MGAT4C: variants seen among roughly 807,000 people sequenced by gnomAD.
MGAT4C encodes alpha-1,3-mannosyl-glycoprotein 4-beta-N-acetylglucosaminyltransferase C.
MGAT4C carries 19 observed loss-of-function variants against 40.1 expected under a neutral mutation model. The ratio of observed to expected loss-of-function variants is 0.47; its 90% confidence interval spans 0.33 to 0.70. The LOEUF is 0.70. MGAT4C is among the 30% of genes least tolerant of loss of function. The probability of loss-of-function intolerance (pLI) is 0.02; values close to 1 mark genes in which losing one functional copy is unlikely to be tolerated. For missense variants in MGAT4C, 491 were observed against 563.2 expected (o/e 0.87, Z 1.30); for synonymous variants, 181 against 187.1 (o/e 0.97, Z 0.27).
chr12:86,187,597 C>T (rs1888906937), intron 1 of MGAT4C, among the ~76,000 whole-genome samples: 1 of 151,690 alleles, frequency 6.6e-6, no homozygotes, highest in Non-Finnish European at 1.5e-5. Flanking sequence ...TCTAGAATGT[C>T]ACATAATAAT....
chr12:86,766,551 T>A (rs1951511958), intron 1 of MGAT4C, among the ~76,000 whole-genome samples: 1 of 151,652 alleles, frequency 6.6e-6, no homozygotes, highest in South Asian at 2.1e-4. Context: ...CCACCCCAAA[T>A]AAACAGAATA....
At chr12:86,293,281 T>C (rs527414569) in intron 4 of MGAT4C, among the ~76,000 whole-genome samples, 1 of 152,330 alleles carries the variant, frequency 6.6e-6, no homozygotes, top group African/African-American at 2.4e-5. Context: ...TTTAATAGTC[T>C]TTTTGTGATA....
At chr12:86,398,764 G>T (rs1475787015) in intron 3 of MGAT4C, among the ~76,000 whole-genome samples, 1 of 151,582 alleles carries the variant, frequency 6.6e-6, no homozygotes, top group African/African-American at 2.4e-5. Context: ...CCACCTTTCT[G>T]TCTTGGAGTT....
At chr12:86,362,176 T>C (rs1172414154) in intron 3 of MGAT4C, among the ~76,000 whole-genome samples, 1 of 152,224 alleles carries the variant, frequency 6.6e-6, no homozygotes, top group Admixed American at 6.5e-5. Flanking sequence ...ATGAGTTTCA[T>C]GTCCTTTGTA....
At chr12:86,231,375 A>G (rs1951317439) in intron 1 of MGAT4C, among the ~76,000 whole-genome samples, 1 of 152,140 alleles carries the variant, frequency 6.6e-6, no homozygotes, top group East Asian at 1.9e-4. Flanking sequence ...TACTTATTAT[A>G]TTTGTGTACC....
chr12:86,454,141 G>C (rs1369566269), intron 2 of MGAT4C, among the ~76,000 whole-genome samples: 1 of 152,104 alleles, frequency 6.6e-6, no homozygotes, highest in African/African-American at 2.4e-5. Context: ...CTAAGTTTTG[G>C]TAAAATGCCT....
chr12:86,534,734 A>G (rs1959041551), intron 2 of MGAT4C, among the ~76,000 whole-genome samples: 1 of 152,128 alleles, frequency 6.6e-6, no homozygotes, highest in African/African-American at 2.4e-5. Context: ...TTACAAATTT[A>G]CAATTCAATG....
At chr12:86,590,296 A>T (rs1301828424) in intron 2 of MGAT4C, among the ~76,000 whole-genome samples, 1 of 151,140 alleles carries the variant, frequency 6.6e-6, no homozygotes, top group Admixed American at 6.6e-5. Context: ...CCACACAATT[A>T]TTAGGCATGA....
intron 1 of MGAT4C, among the ~76,000 whole-genome samples, chr12:86,065,222 G>A (rs568567068): frequency 6.6e-6 from 1 of 152,170 alleles, no homozygotes; most frequent in South Asian, 2.1e-4. Context: ...GAGGCCAGCA[G>A]CATCCTAATA....
At chr12:86,191,558 T>C (rs935938755) in intron 1 of MGAT4C, among the ~76,000 whole-genome samples, 23 of 150,780 alleles carry the variant, frequency 1.5e-4, no homozygotes, top group Non-Finnish European at 1.5e-4. Context: ...GAGCTCATGG[T>C]TTCAAATTCC....
chr12:86,221,179 T>C (rs1950863969), intron 1 of MGAT4C, among the ~76,000 whole-genome samples: 1 of 152,122 alleles, frequency 6.6e-6, no homozygotes, highest in Non-Finnish European at 1.5e-5. Context: ...CTCTTTGTTG[T>C]TAAATTTAAT....
intron 2 of MGAT4C, among the ~76,000 whole-genome samples, chr12:86,663,435 G>T (rs2136552068): frequency 6.7e-6 from 1 of 150,022 alleles, no homozygotes; most frequent in East Asian, 2.0e-4. Context: ...AGAAAGAAAT[G>T]AAGGGGAGAT....
At chr12:86,121,800 A>C (rs1211252654) in intron 1 of MGAT4C, among the ~76,000 whole-genome samples, 1 of 152,192 alleles carries the variant, frequency 6.6e-6, no homozygotes, top group African/African-American at 2.4e-5. Context: ...AACATGCCAA[A>C]AGCAGATCAC....
At chr12:86,773,670 T>A (rs1470079566) in intron 1 of MGAT4C, among the ~76,000 whole-genome samples, 2 of 152,082 alleles carry the variant, frequency 1.3e-5, no homozygotes, top group African/African-American at 4.8e-5. Flanking sequence ...ATAAATCTAA[T>A]AATTTATATT....
chr12:86,700,817 G>A (rs980976738), intron 2 of MGAT4C, among the ~76,000 whole-genome samples: 1 of 151,820 alleles, frequency 6.6e-6, no homozygotes, highest in Non-Finnish European at 1.5e-5. Context: ...CATGTGATTC[G>A]TTCCAAAAAC....
At chr12:86,618,201 G>GA (rs1962519064) in intron 2 of MGAT4C, among the ~76,000 whole-genome samples, 1 of 145,888 alleles carries the variant, frequency 6.9e-6, no homozygotes, top group Non-Finnish European at 1.5e-5. Context: ...AAGATGAAAA[G>GA]AAAGAATTCT....
At chr12:86,082,585 G>A (rs895865431) in intron 1 of MGAT4C, among the ~76,000 whole-genome samples, 2 of 152,098 alleles carry the variant, frequency 1.3e-5, no homozygotes, top group African/African-American at 4.8e-5. Context: ...ACACAGCACA[G>A]TTGTGAGTAG....
At chr12:86,052,969 T>A (rs964398588) in intron 1 of MGAT4C, among the ~76,000 whole-genome samples, 1 of 151,830 alleles carries the variant, frequency 6.6e-6, no homozygotes, top group African/African-American at 2.4e-5. Flanking sequence ...GCAGCAAAGG[T>A]ACTAGGAGGC....
chr12:86,099,112 T>C (rs1040316542), intron 1 of MGAT4C, among the ~76,000 whole-genome samples: 4 of 151,434 alleles, frequency 2.6e-5, no homozygotes, highest in Non-Finnish European at 5.9e-5. Context: ...ATGTTTTATA[T>C]ATCTGTCTCA....
Sources: allele counts gnomAD v4.1 joint callset (sites outside exome capture counted in the v4.1 genomes callset), GRCh38; gene constraint gnomAD v4.1.1; transcripts MANE v1.5; gene names NCBI Gene and HGNC (gene_info 2026-07-23, HGNC 2026-07-21).